AFAP1: variants seen among roughly 807,000 people sequenced by gnomAD.
AFAP1 encodes the protein actin filament-associated protein 1.
AFAP1 carries 75 observed loss-of-function variants against 93.9 expected under a neutral mutation model. The observed-to-expected ratio is 0.80, with a 90% CI of 0.66 to 0.97. The LOEUF (loss-of-function observed/expected upper bound fraction) is 0.97, where lower values mean the gene tolerates loss of function less well. AFAP1 is among the 50% of genes least tolerant of loss of function. The pLI is 0.00. For missense variants in AFAP1, 1,201 were observed against 1,050.8 expected (o/e 1.14, Z -1.98); for synonymous variants, 517 against 430.7 (o/e 1.20, Z -2.48).
At chr4:7,937,628 A>G (rs1721466886) in intron 1 of AFAP1, among the ~76,000 whole-genome samples, 1 of 152,134 alleles carries the variant, frequency 6.6e-6, no homozygotes, top group African/African-American at 2.4e-5. Flanking sequence ...CTGCGATTAC[A>G]GGCACCCACC....
chr4:7,867,750 A>G (rs1423541707), intron 3 of AFAP1, among the ~76,000 whole-genome samples: 1 of 152,036 alleles, frequency 6.6e-6, no homozygotes, highest in Non-Finnish European at 1.5e-5. Flanking sequence ...GTTGTAATTT[A>G]TGGTGCTGTG....
chr4:7,869,816 CAAACAAAAGCAAGA>C (rs1716864971), intron 2 of AFAP1, among the ~76,000 whole-genome samples: 2 of 149,138 alleles, frequency 1.3e-5, no homozygotes, highest in Non-Finnish European at 3.0e-5. Context: ...GAACTGCAAA[CAAACAAAAGCAAGA>C]AAGGAAAAGG....
chr4:7,816,170 CAA>C (rs1720460448), intron 7 of AFAP1, 71 bp from the exon 8 acceptor site: 1 of 1,273,140 alleles, frequency 7.9e-7, no homozygotes, highest in South Asian at 1.3e-5. Context: ...ATGGATCAAC[CAA>C]AAGTTATCTC....
Position 7,778,828 on chromosome 4 carries a change from C to T in AFAP1, c.1831G>A (p.Gly611Arg). ...TTTGGCTGACTGCTCAGAGTCTTCC[C>T]TTTTCCTGTGACCCCATTAGACGCC... ...PVASNGVTGKGKTLSSQPKKA... is the reference protein window; with the variant it reads ...PVASNGVTGKRKTLSSQPKKA... The change falls in exon 14 of 18, where the codon GGG (glycine) becomes AGG (arginine). Residue 611 changes from glycine (G) to arginine (R), a missense_variant. Transcript: ENST00000420658. 3 of 1,614,200 alleles carry T rather than the reference C, an allele frequency of 1.9e-6. No homozygotes were observed. The highest frequency in any genetic ancestry group is 2.5e-6 in the Non-Finnish European group (3 of 1,180,034).
intron 1 of AFAP1, among the ~76,000 whole-genome samples, chr4:7,915,251 C>T (rs1174538251): frequency 2.3e-5 from 1 of 44,438 alleles, no homozygotes; most frequent in Admixed American, 2.9e-4. Context: ...CTCGCCAGCA[C>T]TTGTTATTTT....
intron 3 of AFAP1, among the ~76,000 whole-genome samples, chr4:7,864,539 C>T (rs994716473): frequency 6.6e-6 from 1 of 152,176 alleles, no homozygotes; most frequent in Admixed American, 6.5e-5. Context: ...AGCTCTACCT[C>T]CTTGACTCAT....
At chr4:7,825,719 C>T (rs1471311179) in intron 6 of AFAP1, among the ~76,000 whole-genome samples, 2 of 151,300 alleles carry the variant, frequency 1.3e-5, no homozygotes, top group African/African-American at 2.4e-5. Flanking sequence ...AAAGTAGAAG[C>T]AAAATAATAA....
chr4:7,889,317 G>A (rs1718305645), intron 1 of AFAP1, among the ~76,000 whole-genome samples: 3 of 151,844 alleles, frequency 2.0e-5, no homozygotes, highest in African/African-American at 7.3e-5. Context: ...GGGAGGCCAA[G>A]GGGGACGGAT....
chr4:7,826,667 C>T (rs1429097959), intron 6 of AFAP1, among the ~76,000 whole-genome samples: 1 of 152,256 alleles, frequency 6.6e-6, no homozygotes, highest in Non-Finnish European at 1.5e-5. Context: ...CGACAGGAAA[C>T]TCCTGATCCA....
At chr4:7,930,260 G>A (rs757205303) in intron 1 of AFAP1, among the ~76,000 whole-genome samples, 13 of 152,186 alleles carry the variant, frequency 8.5e-5, no homozygotes. Flanking sequence ...CCCTGGGAGT[G>A]CCACCTCCCC....
At position 7,939,788 on chromosome 4, in the gene AFAP1, G is replaced by C. The variant is rs1721635798; in HGVS notation, c.-135C>G. The C allele has an allele frequency of 2.6e-6, 1 of 380,872 alleles. No individual in the cohort carries two copies. The highest frequency in any genetic ancestry group is 2.2e-5 in the African/African-American group (1 of 44,632). 23.6% of individuals were successfully genotyped at this position (380,872 alleles called of 1,614,324 possible). A position where few individuals can be genotyped will look rare whatever the true frequency, so the allele number is the denominator to read the frequency against. ...GGGCGGGGCCGCCGCCGCCGCCTCA[G>C]CCCGTGTACCCCGCTCGAGATCCGG... is the stretch of plus-strand genomic sequence containing the variant. On this transcript the variant is annotated 5_prime_UTR_variant, in exon 1 of 18. Coordinates refer to ENST00000420658, the MANE Select transcript of AFAP1 (RefSeq NM_001134647.2). This position sits in a 1 kb window ranked among gnomAD's most constrained non-coding sequence, Gnocchi z 5.6.
At chr4:7,786,836 G>C (rs1205928229) in intron 11 of AFAP1, among the ~76,000 whole-genome samples, 4 of 152,192 alleles carry the variant, frequency 2.6e-5, no homozygotes, top group Admixed American at 2.6e-4. Flanking sequence ...GTTACTGTCT[G>C]GTCTCTTTTG....
intron 1 of AFAP1, among the ~76,000 whole-genome samples, chr4:7,903,496 C>T (rs1055652386): frequency 6.6e-6 from 1 of 152,122 alleles, no homozygotes; most frequent in Non-Finnish European, 1.5e-5. Context: ...CCGACCAACA[C>T]GGGGAAACCC....
intron 10 of AFAP1, among the ~76,000 whole-genome samples, chr4:7,799,866 A>G (rs1479054017): frequency 6.6e-6 from 1 of 152,164 alleles, no homozygotes; most frequent in Non-Finnish European, 1.5e-5. Context: ...AAGCAGCCAA[A>G]TAAATAACAA....
At chr4:7,825,794 A>G (rs553785684) in intron 6 of AFAP1, among the ~76,000 whole-genome samples, 82 of 152,274 alleles carry the variant, frequency 5.4e-4, no homozygotes, top group African/African-American at 1.8e-3. Flanking sequence ...CATAGCCCAG[A>G]AAGATATTTT....
intron 6 of AFAP1, among the ~76,000 whole-genome samples, chr4:7,837,627 T>C (rs1475708061): frequency 1.3e-5 from 2 of 151,948 alleles, no homozygotes; most frequent in African/African-American, 4.8e-5. Context: ...AAGAACCCAG[T>C]GAACAGGAAC....
intron 3 of AFAP1, among the ~76,000 whole-genome samples, chr4:7,856,456 G>A (rs28574843): frequency 1.1e-3 from 165 of 152,180 alleles, no homozygotes; most frequent in African/African-American, 3.8e-3. Context: ...TAGCCAGGAT[G>A]GTCTCGAACT....
intron 8 of AFAP1, among the ~76,000 whole-genome samples, chr4:7,811,486 G>C (rs889123200): frequency 1.3e-5 from 2 of 149,160 alleles, no homozygotes; most frequent in Non-Finnish European, 3.0e-5. Flanking sequence ...CTCTCTGCTG[G>C]GGAGCGGGAA....
intron 10 of AFAP1, among the ~76,000 whole-genome samples, chr4:7,800,231 C>T (rs1241452520): frequency 6.6e-6 from 1 of 151,560 alleles, no homozygotes; most frequent in Non-Finnish European, 1.5e-5. Context: ...GCTGGGGTGC[C>T]GTCATTGTCG....
Sources: allele counts gnomAD v4.1 joint callset (sites outside exome capture counted in the v4.1 genomes callset), GRCh38; gene constraint gnomAD v4.1.1; non-coding constraint Gnocchi (gnomAD v3.1); transcripts MANE v1.5; gene names NCBI Gene and HGNC (gene_info 2026-07-23, HGNC 2026-07-21).